Variants in RTL4 observed in about 807,000 individuals in gnomAD.
The protein encoded by RTL4 is retrotransposon Gag-like protein 4.
RTL4 carries 4 observed loss-of-function variants against 5.3 expected under a neutral mutation model. The observed-to-expected ratio is 0.75, with a 90% CI of 0.37 to 1.72. The LOEUF (loss-of-function observed/expected upper bound fraction) is 1.72. Among genes scored for constraint, RTL4 ranks in the 40% most tolerant of loss-of-function variants. The pLI is 0.04. For synonymous variants in RTL4, 98 were observed against 87.3 expected (o/e 1.12, Z -0.68); for missense variants, 260 against 227.1 (o/e 1.14, Z -0.93).
chrX:112,238,330 T>C, the RTL4 span, among the ~76,000 whole-genome samples: 1 of 112,328 alleles, frequency 8.9e-6, no homozygotes, highest in African/African-American at 3.2e-5. Flanking sequence ...ATATTTTACT[T>C]ATCATTCTAC....
At chrX:112,275,470 A>G in the RTL4 span, among the ~76,000 whole-genome samples, 1 of 112,021 alleles carries the variant, frequency 8.9e-6, no homozygotes, top group Non-Finnish European at 1.9e-5. Context: ...AGCATCAGCA[A>G]TGAAGGCAAA....
the RTL4 span, among the ~76,000 whole-genome samples, chrX:112,175,445 G>A: frequency 9.1e-6 from 1 of 110,205 alleles, no homozygotes; most frequent in African/African-American, 3.3e-5. Flanking sequence ...CTATATCTCT[G>A]TGTTTGTACC....
At chrX:112,456,890 C>T (rs1224023864) in exon 1 of RTL4, 1 of 123,680 alleles carries the variant, frequency 8.1e-6, no homozygotes, top group East Asian at 2.8e-4. Flanking sequence ...ATGTTTTACT[C>T]TTGGTACACA....
the RTL4 span, among the ~76,000 whole-genome samples, chrX:112,446,560 G>C: frequency 8.9e-6 from 1 of 112,230 alleles, no homozygotes; most frequent in Non-Finnish European, 1.9e-5. Flanking sequence ...TTTACATCAA[G>C]GAATAGGCCG....
chrX:112,258,948 T>C, the RTL4 span, among the ~76,000 whole-genome samples: 1 of 111,574 alleles, frequency 9.0e-6, no homozygotes, highest in Non-Finnish European at 1.9e-5. Context: ...ACATTTTAAA[T>C]ACCATCTAGA....
the RTL4 span, among the ~76,000 whole-genome samples, chrX:112,084,208 A>G: frequency 3.1e-4 from 34 of 111,153 alleles, no homozygotes; most frequent in African/African-American, 1.1e-3. Context: ...TGTTTAGTGG[A>G]AGCCCTAAGC....
chrX:112,434,074 G>A, the RTL4 span, among the ~76,000 whole-genome samples: 1 of 101,870 alleles, frequency 9.8e-6, no homozygotes, highest in South Asian at 4.8e-4. Flanking sequence ...TTCATCCCAG[G>A]GATGAAGCCC....
the RTL4 span, among the ~76,000 whole-genome samples, chrX:112,428,357 AT>A: frequency 1.8e-5 from 2 of 111,611 alleles, no homozygotes; most frequent in Non-Finnish European, 3.8e-5. Context: ...CTGTATTTTC[AT>A]TTTTATTTAG....
At chrX:112,404,804 T>A in the RTL4 span, among the ~76,000 whole-genome samples, 3 of 112,521 alleles carry the variant, frequency 2.7e-5, no homozygotes, top group Non-Finnish European at 5.6e-5. Context: ...TTCCGTGACA[T>A]TTTTTGGGTC....
chrX:112,365,175 G>A, the RTL4 span, among the ~76,000 whole-genome samples: 4 of 110,977 alleles, frequency 3.6e-5, no homozygotes, highest in South Asian at 3.8e-4. Flanking sequence ...GACATGGTGG[G>A]GGTGGAAAGA....
the RTL4 span, among the ~76,000 whole-genome samples, chrX:112,204,878 C>A: frequency 9.0e-6 from 1 of 111,375 alleles, no homozygotes; most frequent in Non-Finnish European, 1.9e-5. Context: ...TCATGATGTG[C>A]TTATTTTACA....
chrX:112,328,154 CA>C, the RTL4 span, among the ~76,000 whole-genome samples: 11 of 108,926 alleles, frequency 1.0e-4, no homozygotes, highest in African/African-American at 3.7e-4. Context: ...TCACACATAA[CA>C]ATATTAATTT....
At chrX:112,369,913 A>G in the RTL4 span, among the ~76,000 whole-genome samples, 1 of 112,140 alleles carries the variant, frequency 8.9e-6, no homozygotes, top group Non-Finnish European at 1.9e-5. Flanking sequence ...TGGCTGCAAG[A>G]GTGACTCTGA....
chrX:112,123,790 G>T, the RTL4 span, among the ~76,000 whole-genome samples: 7 of 111,694 alleles, frequency 6.3e-5, no homozygotes, highest in Non-Finnish European at 1.1e-4. Flanking sequence ...AAGACTTTAT[G>T]ACGAAAGCAC....
At chrX:112,178,698 G>A in the RTL4 span, among the ~76,000 whole-genome samples, 2 of 111,459 alleles carry the variant, frequency 1.8e-5, no homozygotes, top group Admixed American at 9.6e-5. Context: ...TAGCACCTGC[G>A]AATTGCAACT....
the RTL4 span, among the ~76,000 whole-genome samples, chrX:112,419,523 C>A: frequency 5.3e-5 from 1 of 19,019 alleles, no homozygotes; most frequent in East Asian, 1.6e-3. Context: ...CCACCCATGG[C>A]TAATTTTTGT....
exon 1 of RTL4, chrX:112,456,200 A>G: frequency 3.3e-6 from 1 of 305,159 alleles, no homozygotes; most frequent in Non-Finnish European, 5.9e-6. Context: ...CCTATTGACT[A>G]CGATCTACCT....
chrX:112,425,459 G>A, the RTL4 span, among the ~76,000 whole-genome samples: 4 of 110,986 alleles, frequency 3.6e-5, no homozygotes, highest in Admixed American at 9.6e-5. Flanking sequence ...TGTAATTGCT[G>A]GATCATATGG....
the RTL4 span, among the ~76,000 whole-genome samples, chrX:112,358,972 T>C: frequency 9.2e-3 from 1,031 of 111,664 alleles, 16 homozygotes; most frequent in African/African-American, 0.032. Flanking sequence ...AAATGAATTC[T>C]TCAAAGGGTA....
Sources: allele counts gnomAD v4.1 joint callset (sites outside exome capture counted in the v4.1 genomes callset), GRCh38; gene constraint gnomAD v4.1.1; transcripts MANE v1.5; gene names NCBI Gene and HGNC (gene_info 2026-07-23, HGNC 2026-07-21).